The following RAB3IP variants were observed in gnomAD, a reference collection of about 807,000 sequenced individuals.
RAB3IP encodes the protein RAB3A interacting protein, also known as rab-3A-interacting protein.
In RAB3IP, 36 loss-of-function variants were observed where a neutral mutation model predicts 59.1. The observed-to-expected ratio is 0.61, with a 90% CI of 0.47 to 0.80. RAB3IP has a LOEUF of 0.80. Ranked by LOEUF, RAB3IP falls within the 30% of genes least tolerant of loss-of-function variation. The pLI is 0.00. For missense variants in RAB3IP, 511 were observed against 536.0 expected (o/e 0.95, Z 0.46); for synonymous variants, 207 against 191.2 (o/e 1.08, Z -0.68).
At chr12:69,805,005 T>G (rs1166689831) in intron 8 of RAB3IP, among the ~76,000 whole-genome samples, 2 of 152,232 alleles carry the variant, frequency 1.3e-5, no homozygotes, top group African/African-American at 4.8e-5. Context: ...ATATGAACTT[T>G]AAAGTAGTTT....
intron 2 of RAB3IP, among the ~76,000 whole-genome samples, chr12:69,756,117 G>A (rs1870174814): frequency 6.6e-6 from 1 of 152,220 alleles, no homozygotes; most frequent in African/African-American, 2.4e-5. Context: ...GCTTGGTTTA[G>A]CCTGTAGGCT....
In RAB3IP at chr12:69,756,271, T is replaced by C. The variant is rs139943828; in HGVS notation, c.252-134T>C. On this transcript the variant is annotated intron_variant, in intron 2 of 10. Transcript: ENST00000247833. ...TTGAGCACTTGAAATGTGGCTGATATGACTGAGGACATACTATTTATTTAA... is the reference window on the plus strand; with the variant it reads ...TTGAGCACTTGAAATGTGGCTGATACGACTGAGGACATACTATTTATTTAA... The C allele has an allele frequency of 9.4e-4, 786 of 836,684 alleles. 8 individuals are homozygous for C. The highest frequency in any genetic ancestry group is 8.7e-3 in the African/African-American group (502 of 57,930). 51.8% of individuals were successfully genotyped at this position (836,684 alleles called of 1,614,324 possible).
intron 4 of RAB3IP, among the ~76,000 whole-genome samples, chr12:69,793,664 A>G (rs1331826801): frequency 1.3e-5 from 2 of 152,158 alleles, no homozygotes; most frequent in African/African-American, 4.8e-5. Context: ...TTCATATTGC[A>G]TTTAGAATAA....
intron 3 of RAB3IP, among the ~76,000 whole-genome samples, chr12:69,766,667 G>A (rs372629632): frequency 9.9e-5 from 15 of 151,796 alleles, no homozygotes; most frequent in South Asian, 4.2e-4. Context: ...GATTACAGGC[G>A]CCTGCCACCA....
At chr12:69,758,936 G>C (rs1479079318) in intron 3 of RAB3IP, among the ~76,000 whole-genome samples, 1 of 151,192 alleles carries the variant, frequency 6.6e-6, no homozygotes. Flanking sequence ...TGTCAATGTA[G>C]TTGTCATTCC....
intron 8 of RAB3IP, 39 bp downstream of exon 8, chr12:69,801,760 T>A (rs1878425665): frequency 7.9e-7 from 1 of 1,271,376 alleles, no homozygotes; most frequent in South Asian, 1.2e-5. Flanking sequence ...AGTGACTGAG[T>A]TTTTGAAATG....
At chr12:69,748,621 A>G (rs564629805) in intron 1 of RAB3IP, among the ~76,000 whole-genome samples, 2 of 152,306 alleles carry the variant, frequency 1.3e-5, no homozygotes, top group East Asian at 3.9e-4. Flanking sequence ...AGGCCAGCCA[A>G]GTTGTGTTGG....
intron 8 of RAB3IP, among the ~76,000 whole-genome samples, chr12:69,808,935 T>C (rs1879932539): frequency 6.6e-6 from 1 of 152,034 alleles, no homozygotes; most frequent in African/African-American, 2.4e-5. Flanking sequence ...AATTTGATCC[T>C]GTCATTATGA....
At position 69,821,500 on chromosome 12, in the gene RAB3IP, T is replaced by G. The variant is rs1881741592; in HGVS notation, c.*6054T>G. 1 of 152,162 alleles carries G rather than the reference T, an allele frequency of 6.6e-6. No individual in the cohort carries two copies. The highest frequency in any genetic ancestry group is 2.1e-4 in the South Asian group (1 of 4,824). 9.4% of individuals were successfully genotyped at this position (152,162 alleles called of 1,614,324 possible). On this transcript the variant is annotated 3_prime_UTR_variant, in exon 11 of 11. Transcript: ENST00000247833. ...GAGATTTTCTAGTCCTCCCAGCAACTTCCTTCTCAATTCTCTTCACTTTCC... is the reference window on the plus strand; with the variant it reads ...GAGATTTTCTAGTCCTCCCAGCAACGTCCTTCTCAATTCTCTTCACTTTCC...
intron 8 of RAB3IP, among the ~76,000 whole-genome samples, chr12:69,805,965 T>A (rs1260927839): frequency 6.6e-6 from 1 of 152,158 alleles, no homozygotes; most frequent in Non-Finnish European, 1.5e-5. Context: ...TCTCTTTTTT[T>A]GTTATGTCTC....
intron 6 of RAB3IP, chr12:69,795,654 A>ATT (rs1419299308): frequency 2.2e-6 from 1 of 453,380 alleles, no homozygotes; most frequent in African/African-American, 2.0e-5. Context: ...GTCAAAATTT[A>ATT]TTGCTAGAGT....
chr12:69,809,259 C>T (rs1268797234), intron 8 of RAB3IP, among the ~76,000 whole-genome samples: 20 of 152,050 alleles, frequency 1.3e-4, no homozygotes, highest in African/African-American at 3.6e-4. Flanking sequence ...GAGTTTCTGC[C>T]GAGAGATCAG....
intron 1 of RAB3IP, among the ~76,000 whole-genome samples, chr12:69,741,580 A>G (rs1052724367): frequency 1.3e-5 from 2 of 152,252 alleles, no homozygotes; most frequent in African/African-American, 4.8e-5. Flanking sequence ...TATCAAGCGA[A>G]GTCCTGGTGT....
intron 1 of RAB3IP, among the ~76,000 whole-genome samples, chr12:69,752,939 G>A (rs1432603895): frequency 6.6e-6 from 1 of 152,108 alleles, no homozygotes; most frequent in African/African-American, 2.4e-5. Context: ...TCTTTTGGGT[G>A]AAAAAATAAT....
intron 3 of RAB3IP, 139 bp downstream of exon 3, chr12:69,756,802 A>G (rs1870311681): frequency 1.4e-6 from 1 of 718,268 alleles, no homozygotes; most frequent in Admixed American, 2.9e-5. Flanking sequence ...AGCTCCTGTT[A>G]GGCAGCATTT....
chr12:69,813,968 A>G (rs1156365835), intron 10 of RAB3IP, among the ~76,000 whole-genome samples: 1 of 152,170 alleles, frequency 6.6e-6, no homozygotes, highest in Non-Finnish European at 1.5e-5. Flanking sequence ...ATATAGTTGG[A>G]TTTTAATGCC....
intron 1 of RAB3IP, among the ~76,000 whole-genome samples, chr12:69,753,300 CA>C (rs1207235416): frequency 1.3e-5 from 2 of 152,132 alleles, no homozygotes; most frequent in African/African-American, 4.8e-5. Flanking sequence ...GCTAGTTTAA[CA>C]AATGACTACT....
At chr12:69,743,740 T>C (rs1446129546) in intron 1 of RAB3IP, among the ~76,000 whole-genome samples, 1 of 152,216 alleles carries the variant, frequency 6.6e-6, no homozygotes, top group Non-Finnish European at 1.5e-5. Flanking sequence ...AACTTCAATT[T>C]CTCCAGTTTT....
chr12:69,792,323 A>T (rs1876763267), intron 4 of RAB3IP, among the ~76,000 whole-genome samples: 1 of 152,184 alleles, frequency 6.6e-6, no homozygotes, highest in Non-Finnish European at 1.5e-5. Flanking sequence ...GGTAACTGAG[A>T]GGTGCTGGAT....
Sources: allele counts gnomAD v4.1 joint callset (sites outside exome capture counted in the v4.1 genomes callset), GRCh38; gene constraint gnomAD v4.1.1; transcripts MANE v1.5; gene names NCBI Gene and HGNC (gene_info 2026-07-23, HGNC 2026-07-21).